COL24A1: variants seen among roughly 807,000 people sequenced by gnomAD.
COL24A1 encodes collagen type XXIV alpha 1 chain.
In COL24A1, 224 loss-of-function variants were observed where a neutral mutation model predicts 253.9. The ratio of observed to expected loss-of-function variants is 0.88; its 90% CI spans 0.79 to 0.99. COL24A1 has a LOEUF of 0.99. Ranked by LOEUF, COL24A1 falls within the 50% of genes least tolerant of loss-of-function variation. COL24A1 has a pLI of 0.00. For missense variants in COL24A1, 2,131 were observed against 2,068.5 expected, an observed-to-expected ratio of 1.03 and a Z score of -0.59; for synonymous variants, 685 against 673.7, an observed-to-expected ratio of 1.02 and a Z score of -0.26.
At chr1:86,056,814 A>C (rs181393115) in intron 10 of COL24A1, among the ~76,000 whole-genome samples, 1,713 of 151,542 alleles carry the variant, frequency 0.011, 36 homozygotes, top group African/African-American at 0.039. Flanking sequence ...AGACTGTGCC[A>C]TTGCACTCCA....
intron 24 of COL24A1, among the ~76,000 whole-genome samples, chr1:85,951,537 G>T (rs1478660930): frequency 1.3e-5 from 2 of 152,132 alleles, no homozygotes; most frequent in African/African-American, 2.4e-5. Context: ...TAGGGAGTAA[G>T]TTGGAAAGTG....
At chr1:86,053,940 T>A (rs900502527) in intron 10 of COL24A1, among the ~76,000 whole-genome samples, 20 of 152,100 alleles carry the variant, frequency 1.3e-4, no homozygotes, top group Non-Finnish European at 2.2e-4. Context: ...ATTTTTGCCT[T>A]TTTAACTAGA....
At chr1:86,076,425 T>A (rs1253078150) in intron 7 of COL24A1, among the ~76,000 whole-genome samples, 1 of 152,220 alleles carries the variant, frequency 6.6e-6, no homozygotes, top group Non-Finnish European at 1.5e-5. Flanking sequence ...TCCATGCTCA[T>A]GGATTGGAAG....
chr1:86,073,517 A>G (rs1053325940), intron 7 of COL24A1, among the ~76,000 whole-genome samples: 1 of 152,234 alleles, frequency 6.6e-6, no homozygotes, highest in Non-Finnish European at 1.5e-5. Context: ...TAAAAGTGAC[A>G]GGGAAGATGC....
intron 20 of COL24A1, among the ~76,000 whole-genome samples, chr1:85,980,840 C>T (rs522075): frequency 0.52 from 79,308 of 151,858 alleles, 21,096 homozygotes; most frequent in Admixed American, 0.58. Flanking sequence ...ACCCAGAAGG[C>T]GGAGCTTGCA....
intron 43 of COL24A1, among the ~76,000 whole-genome samples, chr1:85,832,052 G>A (rs937468972): frequency 1.8e-4 from 28 of 151,858 alleles, no homozygotes; most frequent in Admixed American, 8.6e-4. Flanking sequence ...GGGTTTTTAT[G>A]GTTTTAGGTC....
At chr1:85,859,619 T>C (rs1678907595) in intron 37 of COL24A1, among the ~76,000 whole-genome samples, 1 of 152,178 alleles carries the variant, frequency 6.6e-6, no homozygotes, top group Admixed American at 6.5e-5. Flanking sequence ...TAGGAGGAAG[T>C]GTAAATTTCC....
At chr1:85,799,927 A>G (rs1170972250) in intron 47 of COL24A1, among the ~76,000 whole-genome samples, 1 of 152,126 alleles carries the variant, frequency 6.6e-6, no homozygotes, top group East Asian at 1.9e-4. Flanking sequence ...TCATGGCCCT[A>G]GGAGGTATGT....
intron 24 of COL24A1, among the ~76,000 whole-genome samples, chr1:85,922,994 C>CA (rs139014892): frequency 2.0e-5 from 3 of 150,364 alleles, no homozygotes; most frequent in Non-Finnish European, 4.4e-5. Context: ...AAATGGAGAA[C>CA]AAAAAAAAAA....
chr1:85,805,614 T>G (rs1271131067), intron 47 of COL24A1, among the ~76,000 whole-genome samples: 1 of 152,214 alleles, frequency 6.6e-6, no homozygotes, highest in Non-Finnish European at 1.5e-5. Flanking sequence ...ACTTAATTTC[T>G]CAGTGCCTCA....
intron 46 of COL24A1, 37 bp downstream of exon 46, chr1:85,817,997 A>T: frequency 1.3e-6 from 2 of 1,586,758 alleles, no homozygotes; most frequent in South Asian, 2.2e-5. Flanking sequence ...AGTTCCATTT[A>T]GAAAAGCAAG....
At chr1:85,767,952 GT>G (rs1290149820) in intron 53 of COL24A1, among the ~76,000 whole-genome samples, 1 of 152,102 alleles carries the variant, frequency 6.6e-6, no homozygotes, top group Non-Finnish European at 1.5e-5. Context: ...CTCTCATGAA[GT>G]TTACATTCTA....
At chr1:86,144,757 C>T (rs1297992545) in intron 2 of COL24A1, among the ~76,000 whole-genome samples, 11 of 152,014 alleles carry the variant, frequency 7.2e-5, no homozygotes, top group Non-Finnish European at 1.3e-4. Flanking sequence ...AGGTGGTTAC[C>T]TATTCTCCTT....
chr1:86,058,318 AT>A (rs1247242057), intron 9 of COL24A1, among the ~76,000 whole-genome samples: 4 of 151,460 alleles, frequency 2.6e-5, no homozygotes, highest in South Asian at 2.1e-4. Flanking sequence ...AGGCCCATAA[AT>A]TTTTTTTAAA....
chr1:86,091,080 T>A (rs2101970013), intron 6 of COL24A1, among the ~76,000 whole-genome samples: 2 of 152,222 alleles, frequency 1.3e-5, no homozygotes, highest in South Asian at 4.1e-4. Context: ...GGCACTTGTG[T>A]TTCTCATATT....
intron 8 of COL24A1, among the ~76,000 whole-genome samples, chr1:86,060,197 A>T (rs1027800103): frequency 9.2e-5 from 14 of 151,702 alleles, no homozygotes; most frequent in Non-Finnish European, 1.8e-4. Context: ...TTTTTTTTTA[A>T]AAAAGACTCT....
chr1:86,088,305 A>G (rs1703224212), intron 7 of COL24A1, among the ~76,000 whole-genome samples: 1 of 152,202 alleles, frequency 6.6e-6, no homozygotes, highest in South Asian at 2.1e-4. Flanking sequence ...ATAGGAAAGG[A>G]ATATGGAACA....
chr1:85,914,274 C>T (rs548477920), intron 24 of COL24A1, among the ~76,000 whole-genome samples: 1 of 148,222 alleles, frequency 6.7e-6, no homozygotes, highest in East Asian at 2.0e-4. Context: ...CTATAATTGT[C>T]ATGAGTATTT....
At chr1:85,800,718 T>A (rs1386407871) in intron 47 of COL24A1, among the ~76,000 whole-genome samples, 1 of 152,158 alleles carries the variant, frequency 6.6e-6, no homozygotes, top group African/African-American at 2.4e-5. Context: ...TTACTGCCAC[T>A]GCCACCACAA....
Sources: gnomAD v4.1 joint callset for allele counts (sites outside exome capture counted in the v4.1 genomes callset) on GRCh38, gnomAD v4.1.1 for gene constraint, MANE v1.5 for transcripts, NCBI Gene and HGNC (gene_info 2026-07-23, HGNC 2026-07-21) for gene names.